Variants in FOXJ3 observed in about 807,000 individuals in gnomAD.
FOXJ3 encodes forkhead box J3.
A neutral mutation model predicts 76.1 loss-of-function variants in FOXJ3; 22 were observed. The ratio of observed to expected loss-of-function variants is 0.29; its 90% confidence interval spans 0.21 to 0.41. The LOEUF (loss-of-function observed/expected upper bound fraction) is 0.41. Among genes scored for constraint, FOXJ3 ranks in the 10% least tolerant of loss-of-function variants. The pLI, the probability that FOXJ3 is intolerant of heterozygous loss-of-function variation, is 1.00. For missense variants in FOXJ3, 613 were observed against 762.1 expected (o/e 0.80, Z 2.30); for synonymous variants, 269 against 261.2 (o/e 1.03, Z -0.29).
intron 1 of FOXJ3, among the ~76,000 whole-genome samples, chr1:42,319,595 T>C (rs1217780232): frequency 1.3e-5 from 2 of 152,206 alleles, no homozygotes; most frequent in African/African-American, 2.4e-5. Flanking sequence ...GTAGCAATGG[T>C]TGCACAATCC....
intron 6 of FOXJ3, 108 bp from the exon 7 acceptor site, chr1:42,199,338 G>A: frequency 1.1e-6 from 1 of 886,336 alleles, no homozygotes; most frequent in Non-Finnish European, 1.8e-6. Context: ...AATCTCAGTG[G>A]CCTTTCCCTA....
At chr1:42,255,804 C>T (rs1650540643) in intron 4 of FOXJ3, among the ~76,000 whole-genome samples, 1 of 152,080 alleles carries the variant, frequency 6.6e-6, no homozygotes, top group African/African-American at 2.4e-5. Context: ...AGGCAGATCA[C>T]AAGGTCAGGA....
chr1:42,303,225 C>T (rs531784247), intron 2 of FOXJ3, among the ~76,000 whole-genome samples: 2 of 152,298 alleles, frequency 1.3e-5, no homozygotes, highest in South Asian at 4.1e-4. Flanking sequence ...AGCTCTATCC[C>T]TAATTACCTA....
intron 4 of FOXJ3, among the ~76,000 whole-genome samples, chr1:42,245,180 A>C (rs574739741): frequency 7.9e-5 from 12 of 152,150 alleles, no homozygotes; most frequent in South Asian, 6.2e-4. Flanking sequence ...AAAAAAAAAA[A>C]AAAAACAAGT....
At chr1:42,218,581 C>T (rs755800263) in intron 5 of FOXJ3, among the ~76,000 whole-genome samples, 8 of 152,146 alleles carry the variant, frequency 5.3e-5, no homozygotes, top group Non-Finnish European at 1.0e-4. Context: ...AGATTTTAGG[C>T]AAAACTATCC....
intron 5 of FOXJ3, among the ~76,000 whole-genome samples, chr1:42,209,184 T>C (rs1646918603): frequency 6.6e-6 from 1 of 152,188 alleles, no homozygotes; most frequent in Non-Finnish European, 1.5e-5. Flanking sequence ...TTCAGTAAAG[T>C]TGTAAACAAA....
chr1:42,255,431 C>G (rs574621284), intron 4 of FOXJ3, among the ~76,000 whole-genome samples: 3 of 152,098 alleles, frequency 2.0e-5, no homozygotes, highest in African/African-American at 7.2e-5. Flanking sequence ...CTGATTAACC[C>G]CAAAGGTTGC....
chr1:42,277,040 G>A (rs1389400095), intron 3 of FOXJ3, among the ~76,000 whole-genome samples: 1 of 152,178 alleles, frequency 6.6e-6, no homozygotes, highest in Non-Finnish European at 1.5e-5. Flanking sequence ...TTGTACTATG[G>A]TTATGTAAGA....
At chr1:42,296,487 G>T (rs1653796249) in intron 2 of FOXJ3, among the ~76,000 whole-genome samples, 1 of 152,192 alleles carries the variant, frequency 6.6e-6, no homozygotes, top group Non-Finnish European at 1.5e-5. Context: ...TACATGGTGA[G>T]ACACAAGGGT....
intron 3 of FOXJ3, among the ~76,000 whole-genome samples, chr1:42,274,166 G>A (rs1652080499): frequency 1.3e-5 from 2 of 152,044 alleles, no homozygotes; most frequent in African/African-American, 2.4e-5. Context: ...CCTTTTCTCA[G>A]GCTAAATATT....
intron 6 of FOXJ3, among the ~76,000 whole-genome samples, chr1:42,202,622 C>T (rs545427463): frequency 5.3e-5 from 8 of 152,024 alleles, no homozygotes; most frequent in African/African-American, 1.4e-4. Context: ...ATAACAAATA[C>T]GTATTGTAGG....
At chr1:42,214,424 A>T (rs1343452944) in intron 5 of FOXJ3, among the ~76,000 whole-genome samples, 2 of 152,204 alleles carry the variant, frequency 1.3e-5, no homozygotes, top group Non-Finnish European at 2.9e-5. Context: ...GGACAAAGAA[A>T]GTATCGATGA....
At chr1:42,297,233 C>T (rs1440381139) in intron 2 of FOXJ3, among the ~76,000 whole-genome samples, 1 of 152,114 alleles carries the variant, frequency 6.6e-6, no homozygotes, top group African/African-American at 2.4e-5. Flanking sequence ...CAGGAAACTT[C>T]CTCTTTTCCA....
At chr1:42,302,615 T>A (rs961665507) in intron 2 of FOXJ3, among the ~76,000 whole-genome samples, 14 of 152,206 alleles carry the variant, frequency 9.2e-5, no homozygotes, top group African/African-American at 3.4e-4. Flanking sequence ...GCAAGTAGAG[T>A]ACAGCCTAAA....
chr1:42,326,158 G>C (rs778870370), intron 1 of FOXJ3, among the ~76,000 whole-genome samples: 6 of 152,134 alleles, frequency 3.9e-5, no homozygotes, highest in Non-Finnish European at 5.9e-5. Flanking sequence ...GGCTGAGGCA[G>C]GAGAATCACT....
At chr1:42,291,668 T>C (rs986276367) in intron 2 of FOXJ3, among the ~76,000 whole-genome samples, 1 of 152,048 alleles carries the variant, frequency 6.6e-6, no homozygotes, top group Non-Finnish European at 1.5e-5. Context: ...TTTGTTTTTG[T>C]TTTTGTTTCA....
chr1:42,223,623 C>T (rs1450494175), intron 5 of FOXJ3, among the ~76,000 whole-genome samples: 1 of 152,164 alleles, frequency 6.6e-6, no homozygotes, highest in African/African-American at 2.4e-5. Flanking sequence ...CCTTAGAGGC[C>T]TTCCCAGACA....
Position 42,191,424 on chromosome 1 carries a change from G to C in FOXJ3, c.1230C>G (p.Leu410=). 2.5e-6 allele frequency: 4 copies of C among 1,612,190 alleles called. No individual in the cohort carries two copies. The highest frequency in any genetic ancestry group is 1.1e-5 in the South Asian group (1 of 90,970). Residue 410 remains leucine, a synonymous_variant, in exon 9 of 13, where the codon CTC becomes CTG. Transcript: ENST00000361346. ...AGGGATGCTGGGGGTGAGGGGACTG[G>C]AGCTGGCTGTGTTGCTGTGGGTGTG... The part of the protein sequence containing the change: ...PAPHPQQHSQ[L]QSPHPQHPSP...
chr1:42,301,391 G>C (rs1391246484), intron 2 of FOXJ3, among the ~76,000 whole-genome samples: 1 of 151,980 alleles, frequency 6.6e-6, no homozygotes, highest in Admixed American at 6.6e-5. Context: ...AGTAGAGATG[G>C]GGTTTTCACC....
Sources: gnomAD v4.1 joint callset for allele counts (sites outside exome capture counted in the v4.1 genomes callset) on GRCh38, gnomAD v4.1.1 for gene constraint, MANE v1.5 for transcripts, NCBI Gene and HGNC (gene_info 2026-07-23, HGNC 2026-07-21) for gene names.